The following DCDC2C variants were observed in gnomAD, a reference collection of about 807,000 sequenced individuals.
DCDC2C encodes doublecortin domain containing 2C, also known as doublecortin domain-containing protein 2C.
Under a neutral mutation model 45.0 loss-of-function variants are expected in DCDC2C, and 44 were observed. The ratio of observed to expected loss-of-function variants is 0.98; its 90% CI spans 0.77 to 1.26. The LOEUF (loss-of-function observed/expected upper bound fraction) is 1.26. DCDC2C is among the 50% of genes most tolerant of loss of function. The pLI is 0.00. For synonymous variants in DCDC2C, 187 were observed against 178.8 expected, an observed-to-expected ratio of 1.05 and a Z score of -0.37; for missense variants, 447 against 468.9, an observed-to-expected ratio of 0.95 and a Z score of 0.43.
intron 10 of DCDC2C, among the ~76,000 whole-genome samples, chr2:3,785,879 C>A (rs188055218): frequency 7.2e-5 from 11 of 152,306 alleles, no homozygotes; most frequent in Non-Finnish European, 1.6e-4. Flanking sequence ...CTTGAATCAG[C>A]TCTGCCTGGC....
intron 2 of DCDC2C, among the ~76,000 whole-genome samples, chr2:3,714,734 A>G (rs368473356): frequency 1.3e-5 from 2 of 152,342 alleles, no homozygotes; most frequent in South Asian, 2.1e-4. Flanking sequence ...TGCCTTACTG[A>G]AAAGCCTGGA....
chr2:3,828,546 A>C (rs1432750503), intron 10 of DCDC2C, among the ~76,000 whole-genome samples: 2 of 152,192 alleles, frequency 1.3e-5, no homozygotes, highest in Non-Finnish European at 2.9e-5. Flanking sequence ...GCCGTTTCTC[A>C]CTATGCTGCA....
At chr2:3,769,123 G>A in intron 7 of DCDC2C, 188 bp from the exon 8 acceptor site, 1 of 565,624 alleles carries the variant, frequency 1.8e-6, no homozygotes, top group Non-Finnish European at 3.2e-6. Context: ...GAGCACCTTG[G>A]CAGATGCAAA....
chr2:3,803,993 G>A lies in DCDC2C; in HGVS notation c.1065+18893G>A, dbSNP rs180678211. Among the ~76,000 whole-genome samples, 748 of 152,246 alleles carry A rather than the reference G, an allele frequency of 4.9e-3. 19 individuals carry two copies. The highest frequency in any genetic ancestry group is 1.7e-3 in the Non-Finnish European group (117 of 68,028). On this transcript the variant is annotated intron_variant, in intron 10 of 10. Coordinates refer to ENST00000399143, the MANE Select transcript of DCDC2C (RefSeq NM_001287444.2). The stretch of plus-strand genomic sequence containing the variant: ...CTGATGTGTTCTGTGAAACTATCTC[G>A]ACCACTCCAAACTTTGGTAGCTTCT...
chr2:3,712,428 G>A (rs543372605), intron 2 of DCDC2C, among the ~76,000 whole-genome samples: 174 of 151,384 alleles, frequency 1.1e-3, no homozygotes, highest in African/African-American at 4.2e-3. Flanking sequence ...CACTTTGGGA[G>A]GCCAAGGTGG....
chr2:3,792,772 G>A (rs1182757823), intron 10 of DCDC2C, among the ~76,000 whole-genome samples: 1 of 152,168 alleles, frequency 6.6e-6, no homozygotes, highest in Admixed American at 6.5e-5. Context: ...GCCATATTTT[G>A]GAGAAAAATG....
At chr2:3,779,888 C>T (rs1572611573) in intron 9 of DCDC2C, among the ~76,000 whole-genome samples, 1 of 152,104 alleles carries the variant, frequency 6.6e-6, no homozygotes, top group East Asian at 1.9e-4. Context: ...CAGGTCACCC[C>T]CGGCGCCTGA....
At chr2:3,749,412 G>A (rs1250971263) in intron 4 of DCDC2C, among the ~76,000 whole-genome samples, 1 of 152,168 alleles carries the variant, frequency 6.6e-6, no homozygotes, top group Non-Finnish European at 1.5e-5. Flanking sequence ...TTCTCCGTAT[G>A]TGATGTCCCG....
chr2:3,715,545 A>G (rs936151060), intron 2 of DCDC2C, among the ~76,000 whole-genome samples: 1 of 149,304 alleles, frequency 6.7e-6, no homozygotes, highest in Non-Finnish European at 1.5e-5. Flanking sequence ...GTAATTATGC[A>G]TGTATTCTGC....
intron 3 of DCDC2C, 84 bp from the exon 4 acceptor site, chr2:3,741,836 C>T: frequency 7.2e-7 from 1 of 1,379,928 alleles, no homozygotes. Flanking sequence ...TTTTACAGTT[C>T]TGTAATTGTA....
intron 10 of DCDC2C, among the ~76,000 whole-genome samples, chr2:3,833,096 T>C (rs1475580387): frequency 6.6e-6 from 1 of 152,218 alleles, no homozygotes; most frequent in Non-Finnish European, 1.5e-5. Flanking sequence ...CCTTCCTCTG[T>C]CTTCAAAGGC....
intron 2 of DCDC2C, among the ~76,000 whole-genome samples, chr2:3,719,149 G>A (rs909319798): frequency 2.0e-5 from 3 of 151,896 alleles, no homozygotes; most frequent in Admixed American, 6.6e-5. Flanking sequence ...CCAGTGGTGC[G>A]ATCTTGGCTC....
intron 7 of DCDC2C, 67 bp downstream of exon 7, chr2:3,767,947 T>C: frequency 7.2e-7 from 1 of 1,393,286 alleles, no homozygotes; most frequent in Non-Finnish European, 9.3e-7. Context: ...ATGGGATTTT[T>C]TTTTTTTCAG....
intron 10 of DCDC2C, among the ~76,000 whole-genome samples, chr2:3,797,980 T>C (rs1325314170): frequency 1.3e-5 from 2 of 151,794 alleles, no homozygotes; most frequent in Non-Finnish European, 1.5e-5. Flanking sequence ...TGTTAAAGTC[T>C]CCCATTATTA....
intron 10 of DCDC2C, among the ~76,000 whole-genome samples, chr2:3,815,047 G>A (rs1305328452): frequency 6.6e-6 from 1 of 152,274 alleles, no homozygotes; most frequent in Non-Finnish European, 1.5e-5. Flanking sequence ...AGCTGCAGCT[G>A]GTGCTGGTTG....
chr2:3,736,672 G>A (rs1230525447), intron 3 of DCDC2C, among the ~76,000 whole-genome samples: 3 of 152,128 alleles, frequency 2.0e-5, no homozygotes, highest in Non-Finnish European at 4.4e-5. Context: ...AAATGTTTCA[G>A]GTTTTTTCCT....
chr2:3,787,135 A>G (rs1013867167), intron 10 of DCDC2C, among the ~76,000 whole-genome samples: 1 of 152,212 alleles, frequency 6.6e-6, no homozygotes, highest in Admixed American at 6.5e-5. Flanking sequence ...GTGTATTCAT[A>G]GTGATGTCCC....
intron 10 of DCDC2C, among the ~76,000 whole-genome samples, chr2:3,789,144 GC>G (rs1215108215): frequency 1.3e-5 from 2 of 152,064 alleles, no homozygotes; most frequent in African/African-American, 4.8e-5. Context: ...GAGCCACTCT[GC>G]CTGGCCAAAT....
intron 10 of DCDC2C, among the ~76,000 whole-genome samples, chr2:3,786,119 C>T (rs1670644682): frequency 6.6e-6 from 1 of 152,230 alleles, no homozygotes; most frequent in Non-Finnish European, 1.5e-5. Flanking sequence ...GGGAGGGGAA[C>T]ACGTGTGAGC....
Sources: gnomAD v4.1 joint callset for allele counts (sites outside exome capture counted in the v4.1 genomes callset) on GRCh38, gnomAD v4.1.1 for gene constraint, MANE v1.5 for transcripts, NCBI Gene and HGNC (gene_info 2026-07-23, HGNC 2026-07-21) for gene names.